The following PIP4K2A variants were observed in gnomAD, a reference collection of about 807,000 sequenced individuals.
PIP4K2A encodes phosphatidylinositol-5-phosphate 4-kinase type 2 alpha.
Under a neutral mutation model 42.9 loss-of-function variants are expected in PIP4K2A, and 14 were observed. The observed-to-expected ratio is 0.33, with a 90% CI of 0.22 to 0.51. The LOEUF is 0.51. Among genes scored for constraint, PIP4K2A ranks in the 20% least tolerant of loss-of-function variants. PIP4K2A has a pLI of 0.97. For synonymous variants in PIP4K2A, 192 were observed against 192.2 expected (o/e 1.00, Z 0.01); for missense variants, 434 against 519.8 (o/e 0.83, Z 1.61).
intron 5 of PIP4K2A, 150 bp from the exon 6 acceptor site, chr10:22,568,039 C>T (rs755514167): frequency 1.4e-6 from 1 of 732,808 alleles, no homozygotes; most frequent in South Asian, 1.5e-5. Flanking sequence ...CTCATCCCTC[C>T]CTGACCATGG....
intron 2 of PIP4K2A, among the ~76,000 whole-genome samples, chr10:22,608,386 C>G (rs1313099449): frequency 6.6e-6 from 1 of 152,172 alleles, no homozygotes; most frequent in Non-Finnish European, 1.5e-5. Context: ...GGCAGCGGAG[C>G]AAGGTTCCCT....
rs1285220533 is a variant in PIP4K2A, at chr10:22,676,695, G to A, written c.144+37488C>T. 2.0e-5 allele frequency among the ~76,000 whole-genome samples: 3 copies of A among 152,172 alleles called. No individual in the cohort carries two copies. The East Asian group carries it at 5.8e-4, about 29-fold the overall frequency. Reference sequence around the variant, plus strand: ...AGAACAAGAAGTAAAAGGTACATCTGCTTAACTGGGCAACTGCTATAGTCC... The same window carrying A: ...AGAACAAGAAGTAAAAGGTACATCTACTTAACTGGGCAACTGCTATAGTCC... On this transcript the variant is annotated intron_variant, in intron 1 of 9. Coordinates refer to ENST00000376573, the MANE Select transcript of PIP4K2A (RefSeq NM_005028.5).
At chr10:22,633,928 G>A (rs183487079) in intron 1 of PIP4K2A, among the ~76,000 whole-genome samples, 29 of 152,298 alleles carry the variant, frequency 1.9e-4, no homozygotes, top group Admixed American at 1.4e-3. Flanking sequence ...GAGGAAAAAC[G>A]GAGTCCACAA....
intron 7 of PIP4K2A, among the ~76,000 whole-genome samples, chr10:22,546,357 G>A (rs770559025): frequency 1.4e-4 from 21 of 152,146 alleles, no homozygotes; most frequent in Non-Finnish European, 2.5e-4. Context: ...TTTGTAGACC[G>A]GGGGAAAAAG....
intron 1 of PIP4K2A, among the ~76,000 whole-genome samples, chr10:22,708,735 C>T (rs1833862242): frequency 6.6e-6 from 1 of 152,162 alleles, no homozygotes; most frequent in African/African-American, 2.4e-5. Flanking sequence ...AATGCACAGT[C>T]TCAGGCAGCA....
chr10:22,591,560 G>A, intron 4 of PIP4K2A, 69 bp downstream of exon 4: 1 of 1,179,046 alleles, frequency 8.5e-7, no homozygotes, highest in Non-Finnish European at 1.2e-6. Flanking sequence ...TTAAATCTCT[G>A]GCCTTGGTGA....
At chr10:22,633,912 T>C (rs1454196879) in intron 1 of PIP4K2A, among the ~76,000 whole-genome samples, 1 of 152,148 alleles carries the variant, frequency 6.6e-6, no homozygotes, top group Non-Finnish European at 1.5e-5. Flanking sequence ...AGCGTGGAGC[T>C]GCTGTGAGGA....
chr10:22,707,158 A>T (rs1250525884), intron 1 of PIP4K2A, among the ~76,000 whole-genome samples: 1 of 152,180 alleles, frequency 6.6e-6, no homozygotes, highest in African/African-American at 2.4e-5. Context: ...CACATTAAGA[A>T]CTTACCATGT....
intron 1 of PIP4K2A, among the ~76,000 whole-genome samples, chr10:22,638,063 C>G (rs1014526379): frequency 6.6e-6 from 1 of 152,284 alleles, no homozygotes; most frequent in Middle Eastern, 3.4e-3. Flanking sequence ...AACAGTCCCC[C>G]AGGACCAAAG....
chr10:22,696,434 T>G (rs1235745427), intron 1 of PIP4K2A, among the ~76,000 whole-genome samples: 4 of 152,324 alleles, frequency 2.6e-5, no homozygotes, highest in Admixed American at 6.5e-5. Flanking sequence ...TTAAATGGTC[T>G]CTTGATTTGA....
chr10:22,668,915 T>C (rs1428830957), intron 1 of PIP4K2A, among the ~76,000 whole-genome samples: 3 of 152,262 alleles, frequency 2.0e-5, no homozygotes, highest in African/African-American at 7.2e-5. Flanking sequence ...GGGATGTTTC[T>C]TCATGTTTTG....
At chr10:22,635,218 G>A (rs543322506) in intron 1 of PIP4K2A, among the ~76,000 whole-genome samples, 2 of 152,222 alleles carry the variant, frequency 1.3e-5, no homozygotes, top group South Asian at 4.2e-4. Context: ...ACAACACAGA[G>A]AGAACCCTAA....
intron 1 of PIP4K2A, among the ~76,000 whole-genome samples, chr10:22,692,041 G>A (rs1839881875): frequency 6.6e-6 from 1 of 152,092 alleles, no homozygotes; most frequent in Non-Finnish European, 1.5e-5. Flanking sequence ...CCTTTATTGT[G>A]CACTTAATTT....
intron 1 of PIP4K2A, among the ~76,000 whole-genome samples, chr10:22,665,987 C>T (rs1415005142): frequency 6.6e-6 from 1 of 152,080 alleles, no homozygotes; most frequent in African/African-American, 2.4e-5. Context: ...GATGGCTTTC[C>T]AGGAATGCTA....
intron 1 of PIP4K2A, among the ~76,000 whole-genome samples, chr10:22,687,165 A>G (rs1487538417): frequency 6.6e-6 from 1 of 151,880 alleles, no homozygotes; most frequent in Admixed American, 6.6e-5. Context: ...AAAAAGGATG[A>G]AGGAAATGTC....
intron 7 of PIP4K2A, among the ~76,000 whole-genome samples, chr10:22,549,724 C>T (rs1276563521): frequency 6.6e-6 from 1 of 151,058 alleles, no homozygotes; most frequent in African/African-American, 2.4e-5. Context: ...GCCTGTAGTC[C>T]CAGCTACTCA....
intron 1 of PIP4K2A, among the ~76,000 whole-genome samples, chr10:22,647,027 C>T (rs965165321): frequency 1.3e-5 from 2 of 151,966 alleles, no homozygotes; most frequent in African/African-American, 4.8e-5. Flanking sequence ...TGTTTTCTCT[C>T]ACTGAAACAA....
intron 1 of PIP4K2A, among the ~76,000 whole-genome samples, chr10:22,643,552 C>A (rs1838822221): frequency 6.6e-6 from 1 of 152,146 alleles, no homozygotes; most frequent in Non-Finnish European, 1.5e-5. Flanking sequence ...GATTGCCTAA[C>A]CTGACCCAGT....
intron 1 of PIP4K2A, among the ~76,000 whole-genome samples, chr10:22,618,219 T>A: frequency 6.6e-6 from 1 of 152,210 alleles, no homozygotes; most frequent in East Asian, 1.9e-4. Flanking sequence ...TCCCTTCCTA[T>A]CAGTATCTTA....
Sources: allele counts gnomAD v4.1 joint callset (sites outside exome capture counted in the v4.1 genomes callset), GRCh38; gene constraint gnomAD v4.1.1; transcripts MANE v1.5; gene names NCBI Gene and HGNC (gene_info 2026-07-23, HGNC 2026-07-21).